Variants in HNRNPUL2 observed in about 807,000 individuals in gnomAD.
The protein encoded by HNRNPUL2 is heterogeneous nuclear ribonucleoprotein U-like protein 2.
In HNRNPUL2, 27 loss-of-function variants were observed where a neutral mutation model predicts 102.2. The observed-to-expected ratio is 0.26, with a 90% CI of 0.19 to 0.36. HNRNPUL2 has a LOEUF of 0.36. Among genes scored for constraint, HNRNPUL2 ranks in the 10% least tolerant of loss-of-function variants. The pLI is 1.00. For synonymous variants in HNRNPUL2, 458 were observed against 387.2 expected, an observed-to-expected ratio of 1.18 and a Z score of -2.15; for missense variants, 936 against 981.1, an observed-to-expected ratio of 0.95 and a Z score of 0.61.
intron 1 of HNRNPUL2, among the ~76,000 whole-genome samples, chr11:62,725,108 GA>G (rs2083734707): frequency 6.6e-6 from 1 of 152,190 alleles, no homozygotes; most frequent in Non-Finnish European, 1.5e-5. Context: ...TCTGCAAGAG[GA>G]AAAAACTTGG....
intron 10 of HNRNPUL2, among the ~76,000 whole-genome samples, chr11:62,719,118 G>C (rs554651601): frequency 6.6e-6 from 1 of 152,032 alleles, no homozygotes; most frequent in East Asian, 1.9e-4. Context: ...CAGCCACCGC[G>C]CCTGGCTCAC....
intron 8 of HNRNPUL2, 73 bp downstream of exon 8, chr11:62,721,747 C>T: frequency 6.6e-7 from 1 of 1,508,942 alleles, no homozygotes; most frequent in Non-Finnish European, 9.1e-7. Context: ...ACACTTGAGA[C>T]TAATTCTCCA....
At position 62,722,223 on chromosome 11, in the gene HNRNPUL2, T is replaced by G. The variant is rs1171718938; in HGVS notation, c.1253A>C (p.Glu418Ala). The change falls in exon 7 of 14, where the codon GAG becomes GCG. Residue 418 changes from glutamate to alanine, a missense_variant. By Grantham distance (107) the Glu-to-Ala change is moderately radical (BLOSUM62 -1). Transcript: ENST00000301785. Reference protein sequence around the residue: ...CVVELNFGQKEEPFFPPPEEF... With the variant: ...CVVELNFGQKAEPFFPPPEEF... ...TTCTGGTGGTGGGAAGAAGGGCTCC[T>G]CCTTCTGACCGAAGTTTAATTCTAC... 6.2e-7 allele frequency: 1 copy of G among 1,614,182 alleles called. No homozygotes were observed. Among genetic ancestry groups the G allele is most frequent in the East Asian group, 2.2e-5 (1 of 44,880 alleles).
At chr11:62,720,671 T>C (rs1189913631) in intron 9 of HNRNPUL2, among the ~76,000 whole-genome samples, 2 of 151,736 alleles carry the variant, frequency 1.3e-5, no homozygotes, top group Non-Finnish European at 2.9e-5. Flanking sequence ...AAGAGCATCC[T>C]GGCTAACACG....
rs1273274529 is a variant in HNRNPUL2 at position 62,713,485 on chromosome 11, C to T, written c.*1814G>A. 2.0e-5 allele frequency: 3 copies of T among 152,128 alleles called. No individual in the cohort carries two copies. Among genetic ancestry groups the T allele is most frequent in the Non-Finnish European group, 4.4e-5 (3 of 68,026 alleles). The allele number at this position is 152,128 out of a possible 1,614,324, so 9.4% of individuals were successfully genotyped here. On this transcript the variant is annotated 3_prime_UTR_variant, in exon 14 of 14. Transcript: ENST00000301785. ...CACACAGAAATCCATTTGAGGACAC[C>T]GCAGGGAAGCAGGTGCCAAGAGAAA...
chr11:62,722,063 G>A (rs1227168675), intron 7 of HNRNPUL2, 54 bp downstream of exon 7: 16 of 1,601,394 alleles, frequency 1.0e-5, no homozygotes, highest in South Asian at 3.3e-5. Context: ...GAGAGCATAC[G>A]CACCCACCTC....
rs754807184 is a variant in HNRNPUL2 at position 62,726,878 on chromosome 11, C to A, written c.279G>T (p.Glu93Asp). The change falls in exon 1 of 14, where the codon GAG (glutamate) becomes GAT (aspartate). Residue 93 changes from glutamate (E) to aspartate (D), a missense_variant. By Grantham distance (45) the Glu-to-Asp change is conservative. This residue lies in a region of HNRNPUL2 where 327 missense variants were observed against 268.1 expected (regional missense o/e 1.22). Transcript: ENST00000301785. The stretch of plus-strand genomic sequence containing the variant: ...CTTGAGCAGGGGGTGGCTCCTCGTC[C>A]TCGTCCTCAAGCAGCGCCTCCTCGT... ...EEDEEALLEDEDEEPPPAQAL... is the reference protein window; with the variant it reads ...EEDEEALLEDDDEEPPPAQAL... The A allele has an allele frequency of 1.3e-6, 2 of 1,580,258 alleles. No individual in the cohort carries two copies. Among genetic ancestry groups the A allele is most frequent in the South Asian group, 2.3e-5 (2 of 88,624 alleles).
At position 62,714,838 on chromosome 11, in the gene HNRNPUL2, C is replaced by G. The variant is rs2134765791; in HGVS notation, c.*461G>C. ...CCTCTGTCCCCACTCCTGCCTGCTCCTACCTGCTGTGGAGAGCACCCTCGC... is the reference window on the plus strand; with the variant it reads ...CCTCTGTCCCCACTCCTGCCTGCTCGTACCTGCTGTGGAGAGCACCCTCGC... On this transcript the variant is annotated 3_prime_UTR_variant, in exon 14 of 14. Transcript: ENST00000301785. 6.3e-6 allele frequency: 1 copy of G among 158,786 alleles called. No homozygotes were observed. The highest frequency in any genetic ancestry group is 1.8e-4 in the South Asian group (1 of 5,530). The allele number at this position is 158,786 out of a possible 1,614,324, so 9.8% of individuals were successfully genotyped here.
At chr11:62,721,729 G>C in intron 8 of HNRNPUL2, 91 bp downstream of exon 8, 2 of 1,406,026 alleles carry the variant, frequency 1.4e-6, no homozygotes, top group East Asian at 2.3e-5. Context: ...TGGGACCCTT[G>C]TTCTCAGACA....
chr11:62,722,546 C>T, intron 6 of HNRNPUL2, 55 bp downstream of exon 6: 1 of 1,474,950 alleles, frequency 6.8e-7, no homozygotes, highest in Non-Finnish European at 9.5e-7. Context: ...CAAGTGAATT[C>T]CCAGTGCCCT....
chr11:62,725,413 T>G (rs143580468), intron 1 of HNRNPUL2, among the ~76,000 whole-genome samples: 3,745 of 152,328 alleles, frequency 0.025, 77 homozygotes, highest in Non-Finnish European at 0.038. Flanking sequence ...TTGACCAGGC[T>G]GGTCTCAAAC....
At chr11:62,721,004 G>C (rs1337265500) in intron 9 of HNRNPUL2, among the ~76,000 whole-genome samples, 1 of 152,078 alleles carries the variant, frequency 6.6e-6, no homozygotes, top group Non-Finnish European at 1.5e-5. Flanking sequence ...GGAAACTGAG[G>C]TTCAGAAAGG....
rs538277362 is a variant in HNRNPUL2, at chr11:62,726,475, G to C, written c.538+144C>G. On this transcript the variant is annotated intron_variant, in intron 1 of 13. Coordinates refer to ENST00000301785, the MANE Select transcript of HNRNPUL2 (RefSeq NM_001079559.3). ...AGAGGCGGCCTAACCCCTCAGAAAG[G>C]TGGGTAGAGAATGAAAGGAGTTCCA... The C allele has an allele frequency of 5.9e-5, 49 of 824,282 alleles. No individual in the cohort carries two copies. In the African/African-American group the frequency reaches 7.6e-4, roughly 13 times the overall value. 51.1% of individuals were successfully genotyped at this position (824,282 alleles called of 1,614,324 possible). A position where few individuals can be genotyped will look rare whatever the true frequency, so the allele number is the denominator to read the frequency against.
In HNRNPUL2 at chr11:62,726,834, T is replaced by A; in HGVS notation, c.323A>T (p.Gln108Leu). 1.9e-6 allele frequency: 3 copies of A among 1,589,580 alleles called. No homozygotes were observed. The highest frequency in any genetic ancestry group is 2.6e-6 in the Non-Finnish European group (3 of 1,175,004). Reference sequence around the variant, plus strand: ...CGCCTCCGGGGGCTCCGGCGGCGGCTGCGCGGCCTGACCCAAGGCTTGAGC... The same window carrying A: ...CGCCTCCGGGGGCTCCGGCGGCGGCAGCGCGGCCTGACCCAAGGCTTGAGC... Reference protein sequence around the residue: ...PPAQALGQAAQPPPEPPEAAA... With the variant: ...PPAQALGQAALPPPEPPEAAA... Residue 108 changes from glutamine to leucine, a missense_variant, in exon 1 of 14, where the codon CAG (glutamine) becomes CTG (leucine). Physicochemically the swap from Gln to Leu is moderately radical, Grantham distance 113. Around this residue, in one of 2 missense-constraint regions of HNRNPUL2, gnomAD observed 327 missense variants for 268.1 expected, o/e 1.22. Transcript: ENST00000301785.
Position 62,726,658 on chromosome 11 carries a change from C to T in HNRNPUL2, c.499G>A (p.Gly167Arg). ...PEERSGDETP[G>R]SEVPGDKAAE... ...GCCTTGTCACCCGGCACCTCGGATCCCGGCGTCTCGTCCCCGCTCCGCTCC... is the reference window on the plus strand; with the variant it reads ...GCCTTGTCACCCGGCACCTCGGATCTCGGCGTCTCGTCCCCGCTCCGCTCC... The change falls in exon 1 of 14, where the codon GGA becomes AGA. Residue 167 changes from glycine (G) to arginine (R), a missense_variant. Transcript: ENST00000301785. 1 of 1,598,448 alleles carries T rather than the reference C, an allele frequency of 6.3e-7. No individual in the cohort carries two copies. Among genetic ancestry groups the T allele is most frequent in the Non-Finnish European group, 8.5e-7 (1 of 1,178,684 alleles).
intron 3 of HNRNPUL2, 34 bp from the exon 4 acceptor site, chr11:62,723,760 G>A (rs2134780510): frequency 2.5e-6 from 4 of 1,613,274 alleles, no homozygotes; most frequent in East Asian, 2.2e-5. Context: ...TTACTCCAAT[G>A]TCCAATACTT....
At chr11:62,716,798 T>C (rs2134769138) in intron 11 of HNRNPUL2, among the ~76,000 whole-genome samples, 191 bp downstream of exon 11, 1 of 152,292 alleles carries the variant, frequency 6.6e-6, no homozygotes, top group Middle Eastern at 3.4e-3. Flanking sequence ...TTGTTGTTGT[T>C]GAAGAATTAT....
rs914477549 is a variant in HNRNPUL2, at chr11:62,724,515, G to C, written c.539-89C>G. On this transcript the variant is annotated intron_variant, in intron 1 of 13. Transcript: ENST00000301785. Reference sequence around the variant, plus strand: ...TAATAGACACTAACAGGGAATCTGAGAATCTGTCTGATCAAAACAGCCAGG... The same window carrying C: ...TAATAGACACTAACAGGGAATCTGACAATCTGTCTGATCAAAACAGCCAGG... The C allele has an allele frequency of 4.2e-6, 6 of 1,429,614 alleles. No individual in the cohort carries two copies. The Admixed American group carries it at 7.1e-5, about 17-fold the overall frequency. 88.6% of individuals were successfully genotyped at this position (1,429,614 alleles called of 1,614,324 possible).
intron 10 of HNRNPUL2, among the ~76,000 whole-genome samples, chr11:62,719,806 G>C (rs575812013): frequency 6.6e-6 from 1 of 152,150 alleles, no homozygotes; most frequent in African/African-American, 2.4e-5. Context: ...TATTGTGAAA[G>C]TGGCTTTGTT....
Sources: gnomAD v4.1 joint callset for allele counts (sites outside exome capture counted in the v4.1 genomes callset) on GRCh38, gnomAD v4.1.1 for gene constraint, gnomAD v4.1.1 regional missense constraint, MANE v1.5 for transcripts, NCBI Gene and HGNC (gene_info 2026-07-23, HGNC 2026-07-21) for gene names.